The following SUPT20H variants were observed in gnomAD, a reference collection of about 807,000 sequenced individuals.
SUPT20H encodes the protein SPT20 homolog, SAGA complex component, also known as transcription factor SPT20 homolog.
Under a neutral mutation model 122.8 loss-of-function variants are expected in SUPT20H, and 82 were observed. The ratio of observed to expected loss-of-function variants is 0.67; its 90% CI spans 0.56 to 0.80. The LOEUF (loss-of-function observed/expected upper bound fraction) is 0.80. Ranked by LOEUF, SUPT20H falls within the 30% of genes least tolerant of loss-of-function variation. SUPT20H has a pLI of 0.00. For synonymous variants in SUPT20H, 291 were observed against 313.0 expected (o/e 0.93, Z 0.74); for missense variants, 831 against 921.6 (o/e 0.90, Z 1.27).
intron 16 of SUPT20H, chr13:37,025,710 G>C: frequency 3.2e-6 from 1 of 308,510 alleles, no homozygotes; most frequent in Non-Finnish European, 6.0e-6. Flanking sequence ...GATTACTTAA[G>C]TAATAAGCAG....
chr13:37,051,688 T>G (rs1415554451), intron 1 of SUPT20H, 105 bp from the exon 2 acceptor site: 1 of 456,894 alleles, frequency 2.2e-6, no homozygotes, highest in Non-Finnish European at 4.0e-6. Context: ...ACTTATATTT[T>G]TAAGACATAC....
intron 9 of SUPT20H, among the ~76,000 whole-genome samples, chr13:37,034,572 T>A (rs1441974379): frequency 1.3e-5 from 2 of 152,154 alleles, no homozygotes; most frequent in Non-Finnish European, 2.9e-5. Context: ...AGAAGCTGTC[T>A]CCATAACACA....
intron 10 of SUPT20H, 75 bp downstream of exon 10, chr13:37,033,374 G>A (rs1221702811): frequency 1.3e-6 from 2 of 1,542,994 alleles, no homozygotes; most frequent in Non-Finnish European, 1.8e-6. Flanking sequence ...ATACCCTGGA[G>A]GGAAAAGATA....
At chr13:37,059,171 C>A (rs543767121) in intron 1 of SUPT20H, 3 of 152,396 alleles carry the variant, frequency 2.0e-5, no homozygotes, top group South Asian at 2.1e-4. Flanking sequence ...ATTGCAGGAG[C>A]TTTTGTCACA....
At chr13:37,044,731 C>T (rs2066106655) in intron 6 of SUPT20H, among the ~76,000 whole-genome samples, 1 of 152,062 alleles carries the variant, frequency 6.6e-6, no homozygotes, top group Non-Finnish European at 1.5e-5. Flanking sequence ...TCACCATTAA[C>T]AGAAATGTTC....
In SUPT20H at chr13:37,024,208, A is replaced by C; in HGVS notation, c.1433-15T>G. The C allele has an allele frequency of 6.3e-7, 1 of 1,593,134 alleles. No homozygotes were observed. Among genetic ancestry groups the C allele is most frequent in the Non-Finnish European group, 8.5e-7 (1 of 1,171,830 alleles). The stretch of plus-strand genomic sequence containing the variant: ...AAAATAGTTACCTAGAAGAACATAA[A>C]AGTTATTTCCTAAATTTATAATTCA... On this transcript the variant is annotated splice_polypyrimidine_tract_variant and intron_variant, in intron 18 of 25. Transcript: ENST00000350612.
intron 22 of SUPT20H, 105 bp downstream of exon 22, chr13:37,019,237 T>G (rs1329088409): frequency 2.5e-6 from 2 of 798,528 alleles, no homozygotes; most frequent in Non-Finnish European, 3.9e-6. Context: ...TAGAAGAATC[T>G]AAACAGACCT....
chr13:37,040,556 T>A lies in SUPT20H; in HGVS notation c.513+20A>T, dbSNP rs200260503. 14 of 1,606,920 alleles carry A rather than the reference T, an allele frequency of 8.7e-6. No homozygotes were observed. Among genetic ancestry groups the A allele is most frequent in the Non-Finnish European group, 1.2e-5 (14 of 1,176,150 alleles). On this transcript the variant is annotated intron_variant, in intron 8 of 25. Coordinates refer to ENST00000350612, the MANE Select transcript of SUPT20H (RefSeq NM_001014286.3). ...CCCAACTAAAATCTAAAATAGTATT[T>A]CTTAATTAAACATCCTTACCTGCAT...
chr13:37,045,263 CCT>C lies in SUPT20H; in HGVS notation c.274_275del (p.Arg92GlyfsTer15). ...GGGTCTTACCTGATCCGTTTTTTCC[CCT>C]GAGCATCAGAGAATATCCCTCATTT... The part of the protein sequence containing the change: ...PGNEGYSLML[R>X]GKNGSDSETI... On this transcript the variant is annotated frameshift_variant, in exon 6 of 26. Coordinates refer to ENST00000350612, the MANE Select transcript of SUPT20H (RefSeq NM_001014286.3). LOFTEE classifies it high-confidence loss of function. The C allele has an allele frequency of 6.2e-7, 1 of 1,613,290 alleles. No individual in the cohort carries two copies. The highest frequency in any genetic ancestry group is 1.7e-5 in the Admixed American group (1 of 59,950).
At chr13:37,023,310 A>G (rs1448829725) in intron 19 of SUPT20H, among the ~76,000 whole-genome samples, 4 of 152,210 alleles carry the variant, frequency 2.6e-5, no homozygotes, top group African/African-American at 4.8e-5. Flanking sequence ...CTTTCAGCAT[A>G]TATTAGCTAT....
chr13:37,051,336 CTT>C, intron 2 of SUPT20H, 150 bp downstream of exon 2: 1 of 648,446 alleles, frequency 1.5e-6, no homozygotes, highest in South Asian at 2.5e-5. Context: ...ATAGAGAAGA[CTT>C]TGCAATGGGA....
chr13:37,031,506 C>A, intron 12 of SUPT20H, 61 bp downstream of exon 12: 1 of 1,145,942 alleles, frequency 8.7e-7, no homozygotes, highest in Non-Finnish European at 1.2e-6. Context: ...AAGGTATAAG[C>A]AACCGAATAG....
chr13:37,058,949 C>A (rs2069920737), intron 1 of SUPT20H, among the ~76,000 whole-genome samples: 1 of 152,174 alleles, frequency 6.6e-6, no homozygotes, highest in Non-Finnish European at 1.5e-5. Context: ...TATTTTGAGT[C>A]CTACTAGAGA....
Position 37,040,661 on chromosome 13 carries a change from G to A in SUPT20H, c.428C>T (p.Ala143Val). ...VNIFHCGCVI[A>V]EIRDYRQSSN... is the part of the protein sequence containing the mutation. ...GGACTGCCTGTAGTCACGTATTTCT[G>A]CTATGACACATCCGCAATGAAAAAT... is the stretch of plus-strand genomic sequence containing the variant. The change falls in exon 8 of 26, where the codon GCA becomes GTA. Residue 143 changes from alanine (A) to valine (V), a missense_variant. Physicochemically the swap from Ala to Val is moderately conservative, Grantham distance 64. Coordinates refer to ENST00000350612, the MANE Select transcript of SUPT20H (RefSeq NM_001014286.3). 2 of 1,613,762 alleles carry A rather than the reference G, an allele frequency of 1.2e-6. No individual in the cohort carries two copies. Among genetic ancestry groups the A allele is most frequent in the South Asian group, 1.1e-5 (1 of 90,984 alleles).
intron 12 of SUPT20H, 43 bp from the exon 13 acceptor site, chr13:37,029,879 T>C (rs1274579869): frequency 3.4e-6 from 5 of 1,460,596 alleles, no homozygotes; most frequent in Non-Finnish European, 4.7e-6. Flanking sequence ...ATAGAATCCA[T>C]ATCAGATAAA....
chr13:37,059,639 C>G lies in SUPT20H; in HGVS notation c.-174G>C, dbSNP rs2070217270. 1 of 152,290 alleles carries G rather than the reference C, an allele frequency of 6.6e-6. No homozygotes were observed. Among genetic ancestry groups the G allele is most frequent in the Non-Finnish European group, 1.5e-5 (1 of 68,064 alleles). The allele number at this position is 152,290 out of a possible 1,614,324, so 9.4% of individuals were successfully genotyped here. On this transcript the variant is annotated 5_prime_UTR_variant, in exon 1 of 26. Coordinates refer to ENST00000350612, the MANE Select transcript of SUPT20H (RefSeq NM_001014286.3). ...AAGCCCACCCGCCCCGTCGGCGGCTCAGTGCTGCACCCCCACCAACAGCCA... is the reference window on the plus strand; with the variant it reads ...AAGCCCACCCGCCCCGTCGGCGGCTGAGTGCTGCACCCCCACCAACAGCCA...
At chr13:37,036,595 C>T (rs1246047521) in intron 9 of SUPT20H, among the ~76,000 whole-genome samples, 2 of 152,100 alleles carry the variant, frequency 1.3e-5, no homozygotes, top group Non-Finnish European at 2.9e-5. Flanking sequence ...GCTGGAATTA[C>T]AGGTGTGAGC....
rs751640024 is a variant in SUPT20H, at chr13:37,028,318, T to C, written c.994-13A>G. On this transcript the variant is annotated splice_polypyrimidine_tract_variant and intron_variant, in intron 13 of 25. Transcript: ENST00000350612. ...CATCTTTTACATCCTGAAAAATGCA[T>C]AGCACCTCAAATAAATACCTTCACA... 19 of 1,600,032 alleles carry C rather than the reference T, an allele frequency of 1.2e-5. 1 individual carries two copies. Among genetic ancestry groups the C allele is most frequent in the South Asian group, 6.8e-5 (6 of 88,268 alleles).
Position 37,033,511 on chromosome 13 carries a change from G to A in SUPT20H, c.645C>T (p.Val215=). Residue 215 remains valine (V), a synonymous_variant, in exon 10 of 26, where the codon GTC becomes GTT. Transcript: ENST00000350612. ...AGAGCAGTCTGTTTGCAGTGCAGGT[G>A]ACTGCTATAGAAGGATCAAGACAGA... ...EPLCLDPSIA[V]TCTANRLLYN... The A allele has an allele frequency of 6.2e-7, 1 of 1,613,738 alleles. No individual in the cohort carries two copies. The highest frequency in any genetic ancestry group is 8.5e-7 in the Non-Finnish European group (1 of 1,179,818).
Sources: gnomAD v4.1 joint callset for allele counts (sites outside exome capture counted in the v4.1 genomes callset) on GRCh38, gnomAD v4.1.1 for gene constraint, MANE v1.5 for transcripts, NCBI Gene and HGNC (gene_info 2026-07-23, HGNC 2026-07-21) for gene names.